The following SSBP2 variants were observed in gnomAD, a reference collection of about 807,000 sequenced individuals.
The protein encoded by SSBP2 is single-stranded DNA-binding protein 2.
A neutral mutation model predicts 61.8 loss-of-function variants in SSBP2; 17 were observed. The ratio of observed to expected loss-of-function variants is 0.28; its 90% CI spans 0.19 to 0.41. The LOEUF (loss-of-function observed/expected upper bound fraction) is 0.41, where lower values mean the gene tolerates loss of function less well. Ranked by LOEUF, SSBP2 falls within the 10% of genes least tolerant of loss-of-function variation. The probability of loss-of-function intolerance (pLI) is 1.00; values close to 1 mark genes in which losing one functional copy is unlikely to be tolerated. For missense variants in SSBP2, 310 were observed against 458.7 expected, an observed-to-expected ratio of 0.68 and a Z score of 2.96; for synonymous variants, 139 against 141.3, an observed-to-expected ratio of 0.98 and a Z score of 0.12.
intron 15 of SSBP2, among the ~76,000 whole-genome samples, chr5:81,435,593 G>A (rs1239406886): frequency 1.3e-5 from 2 of 152,258 alleles, no homozygotes; most frequent in East Asian, 1.9e-4. Flanking sequence ...AATAGCAACC[G>A]ATCTGATATG....
intron 15 of SSBP2, among the ~76,000 whole-genome samples, chr5:81,433,882 C>T (rs1239354980): frequency 1.3e-5 from 2 of 152,152 alleles, no homozygotes; most frequent in Non-Finnish European, 2.9e-5. Context: ...GAAACAGTGC[C>T]ATCCAAGTGC....
intron 3 of SSBP2, chr5:81,616,274 G>C (rs1394828852): frequency 6.8e-6 from 1 of 147,670 alleles, no homozygotes; most frequent in South Asian, 2.2e-4. Context: ...GCAGGGCGAG[G>C]CATTGCCTCA....
chr5:81,600,323 GAGGCCA>G (rs2153555641), intron 4 of SSBP2, among the ~76,000 whole-genome samples: 1 of 152,120 alleles, frequency 6.6e-6, no homozygotes, highest in East Asian at 1.9e-4. Context: ...AGCACTTTGG[GAGGCCA>G]AGGCGGGCAG....
Position 81,485,627 on chromosome 5 carries a change from T to C in SSBP2, c.432+3623A>G, listed in dbSNP as rs190615377. On this transcript the variant is annotated intron_variant, in intron 6 of 16. Coordinates refer to ENST00000320672, the MANE Select transcript of SSBP2 (RefSeq NM_012446.5). ...ACGTCATTAGTTTATGACCAATTAA[T>C]ATGAAAACTAAATTTAAAAATAAAC... Among the ~76,000 whole-genome samples the C allele has an allele frequency of 2.3e-3, 351 of 152,324 alleles. 1 individual carries two copies. Among genetic ancestry groups the C allele is most frequent in the Non-Finnish European group, 4.1e-3 (282 of 68,022 alleles).
intron 1 of SSBP2, among the ~76,000 whole-genome samples, chr5:81,730,241 T>C (rs1448872614): frequency 1.3e-5 from 2 of 152,202 alleles, no homozygotes; most frequent in African/African-American, 2.4e-5. Context: ...AATTTTTTTT[T>C]TGAGATGGAA....
At chr5:81,446,944 C>A in intron 11 of SSBP2, 22 bp from the exon 12 acceptor site, 1 of 1,572,382 alleles carries the variant, frequency 6.4e-7, no homozygotes, top group Non-Finnish European at 8.6e-7. Context: ...TACAAAATTT[C>A]AGTAAAAATA....
chr5:81,524,261 C>T (rs1769736600), intron 4 of SSBP2, among the ~76,000 whole-genome samples: 1 of 151,984 alleles, frequency 6.6e-6, no homozygotes. Flanking sequence ...ATTCCTACAA[C>T]TACAAGAAAC....
intron 4 of SSBP2, among the ~76,000 whole-genome samples, chr5:81,592,348 C>A (rs1255117129): frequency 6.6e-6 from 1 of 152,220 alleles, no homozygotes; most frequent in African/African-American, 2.4e-5. Flanking sequence ...CTGGTAAGCT[C>A]AAACTGGGTG....
intron 1 of SSBP2, among the ~76,000 whole-genome samples, chr5:81,668,528 T>C (rs1394815826): frequency 6.6e-6 from 1 of 151,926 alleles, no homozygotes; most frequent in Non-Finnish European, 1.5e-5. Context: ...AAATTAACCA[T>C]GTTAAACTCA....
At chr5:81,669,311 T>C (rs905629906) in intron 1 of SSBP2, among the ~76,000 whole-genome samples, 8 of 152,160 alleles carry the variant, frequency 5.3e-5, no homozygotes, top group African/African-American at 1.9e-4. Flanking sequence ...TTATCAGGAA[T>C]TGTACTCCTT....
intron 1 of SSBP2, among the ~76,000 whole-genome samples, chr5:81,704,534 C>T (rs1754221789): frequency 6.6e-6 from 1 of 152,186 alleles, no homozygotes; most frequent in South Asian, 2.1e-4. Flanking sequence ...CATGGTGGCT[C>T]GGCCTGTAAT....
chr5:81,595,642 T>C (rs1485710975), intron 4 of SSBP2, among the ~76,000 whole-genome samples: 33 of 152,182 alleles, frequency 2.2e-4, no homozygotes, highest in East Asian at 7.7e-4. Flanking sequence ...GCTTATCCAC[T>C]ATGATCAAGT....
chr5:81,667,657 C>T (rs1484748052), intron 1 of SSBP2, among the ~76,000 whole-genome samples: 2 of 151,702 alleles, frequency 1.3e-5, no homozygotes, highest in Non-Finnish European at 2.9e-5. Context: ...AGTTACCTCC[C>T]TCAAAAAAAA....
intron 1 of SSBP2, among the ~76,000 whole-genome samples, chr5:81,671,673 C>A (rs1052023284): frequency 2.0e-5 from 3 of 151,930 alleles, no homozygotes; most frequent in African/African-American, 7.2e-5. Context: ...AAGAAAAAAA[C>A]AAAATCTTAA....
At chr5:81,509,759 T>C (rs1768455471) in intron 5 of SSBP2, among the ~76,000 whole-genome samples, 1 of 152,038 alleles carries the variant, frequency 6.6e-6, no homozygotes, top group East Asian at 1.9e-4. Flanking sequence ...TATCTGAAAG[T>C]TTTTCAATCT....
intron 15 of SSBP2, among the ~76,000 whole-genome samples, chr5:81,429,401 G>C (rs886668509): frequency 6.6e-6 from 1 of 152,086 alleles, no homozygotes; most frequent in African/African-American, 2.4e-5. Flanking sequence ...GCAGTGCGTT[G>C]CTTCATATTC....
intron 15 of SSBP2, among the ~76,000 whole-genome samples, chr5:81,434,228 A>C (rs147728244): frequency 1.9e-3 from 284 of 152,362 alleles, no homozygotes; most frequent in African/African-American, 6.6e-3. Flanking sequence ...AAACAATTGA[A>C]GTAGTACTTA....
intron 4 of SSBP2, among the ~76,000 whole-genome samples, chr5:81,606,306 C>A (rs1290864011): frequency 6.6e-6 from 1 of 152,132 alleles, no homozygotes; most frequent in East Asian, 1.9e-4. Flanking sequence ...CAGTAAAAGG[C>A]AGCTGAATAG....
At chr5:81,433,370 G>T (rs897108597) in intron 15 of SSBP2, among the ~76,000 whole-genome samples, 5 of 151,878 alleles carry the variant, frequency 3.3e-5, no homozygotes, top group Admixed American at 2.6e-4. Flanking sequence ...GATTAAGGGC[G>T]GTGCAAGATG....
Sources: allele counts gnomAD v4.1 joint callset (sites outside exome capture counted in the v4.1 genomes callset), GRCh38; gene constraint gnomAD v4.1.1; transcripts MANE v1.5; gene names NCBI Gene and HGNC (gene_info 2026-07-23, HGNC 2026-07-21).